RANBP2: variants seen among roughly 807,000 people sequenced by gnomAD.
RANBP2 encodes the protein RAN binding protein 2, also known as E3 SUMO-protein ligase RanBP2.
RANBP2 carries 57 observed loss-of-function variants against 303.6 expected under a neutral mutation model. The ratio of observed to expected loss-of-function variants is 0.19; its 90% CI spans 0.15 to 0.23. The LOEUF is 0.23. Among genes scored for constraint, RANBP2 ranks in the 10% least tolerant of loss-of-function variants. The pLI is 1.00. For synonymous variants in RANBP2, 1,167 were observed against 1,301.5 expected, an observed-to-expected ratio of 0.90 and a Z score of 2.23; for missense variants, 3,138 against 3,780.8, an observed-to-expected ratio of 0.83 and a Z score of 4.46.
chr2:109,357,563 G>A, the RANBP2 span, among the ~76,000 whole-genome samples: 10 of 152,212 alleles, frequency 6.6e-5, no homozygotes, highest in East Asian at 1.5e-3. Context: ...CGCCCTTCCC[G>A]CATGTCTACT....
At chr2:109,041,141 T>C in the RANBP2 span, among the ~76,000 whole-genome samples, 1 of 152,232 alleles carries the variant, frequency 6.6e-6, no homozygotes, top group Non-Finnish European at 1.5e-5. Flanking sequence ...TATAATGCAA[T>C]TGGTTTTTAA....
chr2:108,813,931 A>G, the RANBP2 span, among the ~76,000 whole-genome samples: 1 of 152,120 alleles, frequency 6.6e-6, no homozygotes, highest in African/African-American at 2.4e-5. Context: ...TTTGTTCCTT[A>G]CTATTGCTCA....
At chr2:108,836,317 G>A in the RANBP2 span, among the ~76,000 whole-genome samples, 2 of 152,130 alleles carry the variant, frequency 1.3e-5, no homozygotes, top group African/African-American at 4.8e-5. Context: ...GTTCGTCCAT[G>A]TTGTAGCATG....
At chr2:109,156,957 A>G in the RANBP2 span, among the ~76,000 whole-genome samples, 2 of 152,222 alleles carry the variant, frequency 1.3e-5, no homozygotes, top group South Asian at 4.1e-4. Context: ...GACTACCAAT[A>G]AGGTTAATAA....
the RANBP2 span, among the ~76,000 whole-genome samples, chr2:108,943,289 G>C: frequency 6.6e-6 from 1 of 152,198 alleles, no homozygotes; most frequent in Non-Finnish European, 1.5e-5. Flanking sequence ...GACTCCAAAG[G>C]GCTCTGCTGC....
At chr2:109,372,265 G>A in the RANBP2 span, among the ~76,000 whole-genome samples, 6 of 152,172 alleles carry the variant, frequency 3.9e-5, no homozygotes, top group Admixed American at 2.6e-4. Context: ...TAGTGAGTAC[G>A]TTTAGGGTAG....
the RANBP2 span, among the ~76,000 whole-genome samples, chr2:109,200,175 T>G: frequency 6.6e-6 from 1 of 152,128 alleles, no homozygotes; most frequent in Non-Finnish European, 1.5e-5. Context: ...ATATTTCTAG[T>G]TTACAAGAGA....
the RANBP2 span, among the ~76,000 whole-genome samples, chr2:109,063,824 C>T: frequency 5.7e-4 from 86 of 151,658 alleles, 2 homozygotes; most frequent in East Asian, 3.5e-3. Context: ...AAAAAAACAA[C>T]GTAGTGTCTT....
the RANBP2 span, among the ~76,000 whole-genome samples, chr2:109,527,024 G>A: frequency 6.6e-6 from 1 of 152,200 alleles, no homozygotes; most frequent in East Asian, 1.9e-4. Context: ...TTGACAAATT[G>A]TGCTTGACCA....
intron 8 of RANBP2, among the ~76,000 whole-genome samples, chr2:108,748,482 A>G (rs530310882): frequency 5.7e-4 from 87 of 151,626 alleles, no homozygotes; most frequent in African/African-American, 2.0e-3. Context: ...TGGCCTCCCA[A>G]AGTGCTGGGA....
the RANBP2 span, among the ~76,000 whole-genome samples, chr2:108,872,847 T>G: frequency 6.6e-6 from 1 of 152,216 alleles, no homozygotes; most frequent in Non-Finnish European, 1.5e-5. Context: ...CATGTCCTCA[T>G]AAACAAAATA....
chr2:109,522,693 C>G, the RANBP2 span, among the ~76,000 whole-genome samples: 1 of 152,098 alleles, frequency 6.6e-6, no homozygotes, highest in African/African-American at 2.4e-5. Context: ...CCCAAACGTT[C>G]AGTGCATCAG....
chr2:109,269,624 TA>T, the RANBP2 span, among the ~76,000 whole-genome samples: 8 of 151,702 alleles, frequency 5.3e-5, no homozygotes, highest in African/African-American at 1.9e-4. Context: ...CTACTAAAAA[TA>T]AAAAAAATAG....
the RANBP2 span, among the ~76,000 whole-genome samples, chr2:108,891,187 T>A: frequency 6.6e-6 from 1 of 152,256 alleles, no homozygotes; most frequent in African/African-American, 2.4e-5. Flanking sequence ...GATTAAGATC[T>A]ATTGCTTGAG....
the RANBP2 span, among the ~76,000 whole-genome samples, chr2:109,442,218 G>A: frequency 6.6e-6 from 1 of 151,856 alleles, no homozygotes; most frequent in East Asian, 1.9e-4. Context: ...GGCTGAGGCA[G>A]GTGAATGACA....
At chr2:109,033,528 G>A in the RANBP2 span, among the ~76,000 whole-genome samples, 1 of 152,154 alleles carries the variant, frequency 6.6e-6, no homozygotes, top group East Asian at 1.9e-4. Flanking sequence ...CTAAAACTAG[G>A]GGTTTATACA....
the RANBP2 span, chr2:109,615,863 C>T: frequency 6.2e-7 from 1 of 1,613,916 alleles, no homozygotes; most frequent in Non-Finnish European, 8.5e-7. Context: ...ATCCAGGGCG[C>T]AAAGCCTCGG....
chr2:109,545,584 A>G, the RANBP2 span: 3 of 1,534,190 alleles, frequency 2.0e-6, no homozygotes, highest in Non-Finnish European at 2.6e-6. Flanking sequence ...TATCAGTAGA[A>G]TTTGTTCTAA....
chr2:109,625,815 A>T, the RANBP2 span, among the ~76,000 whole-genome samples: 1 of 152,236 alleles, frequency 6.6e-6, no homozygotes, highest in Non-Finnish European at 1.5e-5. Flanking sequence ...TGTAAAAACA[A>T]AACAATAATA....
Sources: allele counts gnomAD v4.1 joint callset (sites outside exome capture counted in the v4.1 genomes callset), GRCh38; gene constraint gnomAD v4.1.1; transcripts MANE v1.5; gene names NCBI Gene and HGNC (gene_info 2026-07-23, HGNC 2026-07-21).